Variants in DLGAP1 observed in about 807,000 individuals in gnomAD.
The protein encoded by DLGAP1 is disks large-associated protein 1.
DLGAP1 carries 11 observed loss-of-function variants against 90.8 expected under a neutral mutation model. The ratio of observed to expected loss-of-function variants is 0.12; its 90% confidence interval spans 0.08 to 0.20. The LOEUF (loss-of-function observed/expected upper bound fraction) is 0.20, where lower values mean the gene tolerates loss of function less well. Ranked by LOEUF, DLGAP1 falls within the 10% of genes least tolerant of loss-of-function variation. DLGAP1 has a pLI of 1.00. For synonymous variants in DLGAP1, 558 were observed against 540.7 expected (o/e 1.03, Z -0.44); for missense variants, 1,050 against 1,333.8 (o/e 0.79, Z 3.31).
intron 7 of DLGAP1, among the ~76,000 whole-genome samples, chr18:3,626,863 C>A (rs1470547664): frequency 6.6e-6 from 1 of 151,880 alleles, no homozygotes; most frequent in African/African-American, 2.4e-5. Flanking sequence ...CACGCCACTG[C>A]ACTCCAGCCT....
chr18:3,685,112 T>C (rs2060651436), intron 7 of DLGAP1, among the ~76,000 whole-genome samples: 1 of 152,238 alleles, frequency 6.6e-6, no homozygotes. Flanking sequence ...ATATCTTCCA[T>C]GCTTCTTGAT....
intron 2 of DLGAP1, among the ~76,000 whole-genome samples, chr18:4,030,210 C>T (rs1157629416): frequency 3.3e-5 from 5 of 152,168 alleles, no homozygotes; most frequent in Admixed American, 2.0e-4. Context: ...TCAGGCTGGT[C>T]TCAAATTCTT....
At chr18:4,332,452 T>G (rs2080973357) in intron 1 of DLGAP1, among the ~76,000 whole-genome samples, 2 of 150,044 alleles carry the variant, frequency 1.3e-5, no homozygotes, top group Non-Finnish European at 3.0e-5. Context: ...AGCAAACTGA[T>G]TCCTAACTAG....
intron 2 of DLGAP1, among the ~76,000 whole-genome samples, chr18:4,112,944 C>CT (rs147026310): frequency 0.16 from 24,863 of 151,790 alleles, 2,144 homozygotes; most frequent in Admixed American, 0.22. Context: ...TGATTTTATT[C>CT]TTTTTTTTAT....
intron 1 of DLGAP1, among the ~76,000 whole-genome samples, chr18:4,297,576 C>T (rs2080014012): frequency 6.6e-6 from 1 of 152,172 alleles, no homozygotes; most frequent in Middle Eastern, 3.2e-3. Flanking sequence ...TCCTGAGCCT[C>T]TGAGCAAAGG....
At chr18:4,453,990 G>A (rs1368871752) in intron 1 of DLGAP1, among the ~76,000 whole-genome samples, 1 of 152,198 alleles carries the variant, frequency 6.6e-6, no homozygotes, top group Non-Finnish European at 1.5e-5. Flanking sequence ...CGGTCGGGCT[G>A]GAGGCAAGCC....
intron 1 of DLGAP1, among the ~76,000 whole-genome samples, chr18:4,434,064 T>C (rs143960896): frequency 2.2e-3 from 334 of 152,092 alleles, no homozygotes; most frequent in African/African-American, 7.6e-3. Context: ...AAACTTCTCC[T>C]TCAAAAGCCA....
chr18:4,217,444 G>A (rs1014723813), intron 1 of DLGAP1, among the ~76,000 whole-genome samples: 2 of 152,042 alleles, frequency 1.3e-5, no homozygotes, highest in African/African-American at 4.8e-5. Context: ...AAGTGACACT[G>A]TTTTCCAAAG....
At chr18:3,738,600 C>G (rs2062760001) in intron 6 of DLGAP1, among the ~76,000 whole-genome samples, 1 of 151,962 alleles carries the variant, frequency 6.6e-6, no homozygotes, top group South Asian at 2.1e-4. Context: ...GGATCCCTTC[C>G]TTACACCTTA....
chr18:4,170,219 C>T (rs2076999835), intron 1 of DLGAP1, among the ~76,000 whole-genome samples: 2 of 151,990 alleles, frequency 1.3e-5, no homozygotes, highest in Admixed American at 6.6e-5. Flanking sequence ...TTTTATTGAA[C>T]GTTGGGCATG....
At chr18:4,298,450 A>G (rs1251888403) in intron 1 of DLGAP1, among the ~76,000 whole-genome samples, 2 of 152,362 alleles carry the variant, frequency 1.3e-5, no homozygotes, top group African/African-American at 4.8e-5. Context: ...GCCATAAAAA[A>G]TGATGAGTTC....
At chr18:4,230,283 T>C (rs2078273254) in intron 1 of DLGAP1, among the ~76,000 whole-genome samples, 1 of 152,148 alleles carries the variant, frequency 6.6e-6, no homozygotes, top group Non-Finnish European at 1.5e-5. Context: ...CTGCTAGATA[T>C]ATTATGCAAA....
At chr18:4,411,569 T>C (rs2082778249) in intron 1 of DLGAP1, among the ~76,000 whole-genome samples, 1 of 152,194 alleles carries the variant, frequency 6.6e-6, no homozygotes, top group Admixed American at 6.5e-5. Flanking sequence ...AAACTTTGTC[T>C]TAAAATAATG....
At chr18:4,262,180 A>T (rs1394665994) in intron 1 of DLGAP1, among the ~76,000 whole-genome samples, 2 of 152,214 alleles carry the variant, frequency 1.3e-5, no homozygotes, top group Non-Finnish European at 2.9e-5. Flanking sequence ...ATTAAAACCA[A>T]AGCTATTCAA....
intron 3 of DLGAP1, among the ~76,000 whole-genome samples, chr18:3,933,126 C>G (rs1406295727): frequency 6.6e-6 from 1 of 152,196 alleles, no homozygotes; most frequent in African/African-American, 2.4e-5. Context: ...GGAATTCATG[C>G]ATTTAATCAA....
At chr18:4,235,536 T>G (rs1257831490) in intron 1 of DLGAP1, among the ~76,000 whole-genome samples, 2 of 152,020 alleles carry the variant, frequency 1.3e-5, no homozygotes, top group Non-Finnish European at 2.9e-5. Flanking sequence ...CTAGCACCAT[T>G]TGGAATAATG....
intron 3 of DLGAP1, among the ~76,000 whole-genome samples, chr18:3,893,494 G>A (rs1247709318): frequency 1.3e-5 from 2 of 151,772 alleles, no homozygotes; most frequent in South Asian, 2.1e-4. Flanking sequence ...TAGGAGAATC[G>A]CTTGAACCTG....
intron 9 of DLGAP1, among the ~76,000 whole-genome samples, chr18:3,538,384 AAAAG>A (rs2052500893): frequency 1.3e-5 from 2 of 151,926 alleles, no homozygotes; most frequent in East Asian, 1.9e-4. Context: ...CCAAAAAAAA[AAAAG>A]AAAGAAAAAG....
chr18:4,276,250 G>C (rs549884980), intron 1 of DLGAP1, among the ~76,000 whole-genome samples: 88 of 151,708 alleles, frequency 5.8e-4, no homozygotes, highest in Non-Finnish European at 9.4e-4. Flanking sequence ...TTGATGAGCT[G>C]ACTTTGACTT....
Sources: allele counts gnomAD v4.1 joint callset (sites outside exome capture counted in the v4.1 genomes callset), GRCh38; gene constraint gnomAD v4.1.1; transcripts MANE v1.5; gene names NCBI Gene and HGNC (gene_info 2026-07-23, HGNC 2026-07-21).